Variants in UGT2B4 observed in about 807,000 individuals in gnomAD.
The protein encoded by UGT2B4 is UDP glucuronosyltransferase family 2 member B4.
UGT2B4 carries 49 observed loss-of-function variants against 49.8 expected under a neutral mutation model. The ratio of observed to expected loss-of-function variants is 0.98; its 90% CI spans 0.78 to 1.25. The LOEUF is 1.25. UGT2B4 is among the 50% of genes most tolerant of loss of function. The pLI is 0.00. For missense variants in UGT2B4, 729 were observed against 627.7 expected, an observed-to-expected ratio of 1.16 and a Z score of -1.73; for synonymous variants, 246 against 217.7, an observed-to-expected ratio of 1.13 and a Z score of -1.14.
rs41299982 is a variant in UGT2B4, at chr4:69,495,119, A to G, written c.721+22T>C. 206 of 1,506,620 alleles carry G rather than the reference A, an allele frequency of 1.4e-4. No homozygotes were observed. In the African/African-American group the frequency reaches 2.5e-3, roughly 18 times the overall value. The allele number at this position is 1,506,620 out of a possible 1,614,324, so 93.3% of individuals were successfully genotyped here. On this transcript the variant is annotated intron_variant, in intron 1 of 5. Coordinates refer to ENST00000305107, the MANE Select transcript of UGT2B4 (RefSeq NM_021139.3). ...TACAAGAAAGTTAGATCTTCATGTTACCAATCAAAAAAGTTACTTACCTAG... is the reference window on the plus strand; with the variant it reads ...TACAAGAAAGTTAGATCTTCATGTTGCCAATCAAAAAAGTTACTTACCTAG...
At position 69,480,593 on chromosome 4, in the gene UGT2B4, G is replaced by A. The variant is rs1727553190; in HGVS notation, c.*41C>T. On this transcript the variant is annotated 3_prime_UTR_variant, in exon 6 of 6. Transcript: ENST00000305107. The stretch of plus-strand genomic sequence containing the variant: ...CTTCTTGTTGTAATAAACTAAAGGA[G>A]TTCATTTATTGGGTTTCCCAGCTTC... The A allele has an allele frequency of 1.3e-6, 2 of 1,595,182 alleles. No individual in the cohort carries two copies. The highest frequency in any genetic ancestry group is 1.1e-5 in the South Asian group (1 of 87,874).
chr4:69,489,289 C>A (rs1577884470), intron 3 of UGT2B4, 150 bp downstream of exon 3: 1 of 1,037,844 alleles, frequency 9.6e-7, no homozygotes, highest in South Asian at 1.6e-5. Context: ...ATCTTCCATA[C>A]ATATTTTTGA....
chr4:69,492,733 T>C (rs1037308171), intron 2 of UGT2B4, among the ~76,000 whole-genome samples: 2 of 151,962 alleles, frequency 1.3e-5, no homozygotes, highest in Admixed American at 1.3e-4. Context: ...TTTTAAGTGG[T>C]TTATTTGTAT....
At chr4:69,518,695 T>A (rs968621337) in intron 1 of UGT2B4, among the ~76,000 whole-genome samples, 5 of 152,182 alleles carry the variant, frequency 3.3e-5, no homozygotes, top group Non-Finnish European at 7.3e-5. Context: ...TTTTACACAC[T>A]GAAACATACA....
chr4:69,480,607 T>C lies in UGT2B4; in HGVS notation c.*27A>G. 6.2e-7 allele frequency: 1 copy of C among 1,605,240 alleles called. No homozygotes were observed. The highest frequency in any genetic ancestry group is 8.5e-7 in the Non-Finnish European group (1 of 1,174,742). ...AAACTAAAGGAGTTCATTTATTGGGTTTCCCAGCTTCCAGCCTCAGACGTA... is the reference window on the plus strand; with the variant it reads ...AAACTAAAGGAGTTCATTTATTGGGCTTCCCAGCTTCCAGCCTCAGACGTA... On this transcript the variant is annotated 3_prime_UTR_variant, in exon 6 of 6. Coordinates refer to ENST00000305107, the MANE Select transcript of UGT2B4 (RefSeq NM_021139.3).
intron 1 of UGT2B4, among the ~76,000 whole-genome samples, chr4:69,523,950 C>A (rs1302840837): frequency 2.0e-5 from 3 of 152,060 alleles, no homozygotes; most frequent in African/African-American, 7.2e-5. Context: ...GTTTCATGAG[C>A]CAATGTCTGC....
At chr4:69,481,545 A>G (rs541296588) in intron 5 of UGT2B4, among the ~76,000 whole-genome samples, 1 of 152,298 alleles carries the variant, frequency 6.6e-6, no homozygotes, top group East Asian at 1.9e-4. Flanking sequence ...TTGTGGTTAC[A>G]TAGTAGGGGT....
intron 1 of UGT2B4, among the ~76,000 whole-genome samples, chr4:69,511,235 C>T: frequency 6.6e-6 from 1 of 152,098 alleles, no homozygotes; most frequent in Non-Finnish European, 1.5e-5. Flanking sequence ...GGTGATCCAC[C>T]CGTCTAGGCT....
intron 1 of UGT2B4, among the ~76,000 whole-genome samples, chr4:69,494,593 A>G (rs1234889820): frequency 6.6e-6 from 1 of 152,186 alleles, no homozygotes; most frequent in African/African-American, 2.4e-5. Flanking sequence ...AGGAATAGAA[A>G]CACTGGAAAC....
chr4:69,509,361 T>C (rs1001208229), intron 1 of UGT2B4, among the ~76,000 whole-genome samples: 1 of 152,014 alleles, frequency 6.6e-6, no homozygotes, highest in African/African-American at 2.4e-5. Context: ...TTAGTACAGA[T>C]GGGGTTCACC....
At chr4:69,490,721 T>A (rs1173144191) in intron 2 of UGT2B4, among the ~76,000 whole-genome samples, 2 of 152,206 alleles carry the variant, frequency 1.3e-5, no homozygotes, top group Admixed American at 1.3e-4. Context: ...ATATGATTTT[T>A]AATCTTAAGA....
At chr4:69,517,262 G>A (rs948477938) in intron 1 of UGT2B4, among the ~76,000 whole-genome samples, 10 of 151,676 alleles carry the variant, frequency 6.6e-5, no homozygotes, top group African/African-American at 9.7e-5. Context: ...AGCATCCTGG[G>A]AAATATTTCA....
Position 69,489,427 on chromosome 4 carries a change from A to T in UGT2B4, c.1002+12T>A. 6.2e-7 allele frequency: 1 copy of T among 1,608,860 alleles called. No individual in the cohort carries two copies. The highest frequency in any genetic ancestry group is 8.5e-7 in the Non-Finnish European group (1 of 1,176,730). ...CAGTAGTTTTTTACACCATTAAAAC[A>T]TTTTATCTTACCTTTTGTGGGATCT... On this transcript the variant is annotated intron_variant, in intron 3 of 5. Coordinates refer to ENST00000305107, the MANE Select transcript of UGT2B4 (RefSeq NM_021139.3).
chr4:69,485,067 A>C, intron 5 of UGT2B4, 141 bp downstream of exon 5: 1 of 1,070,126 alleles, frequency 9.3e-7, no homozygotes, highest in Non-Finnish European at 1.3e-6. Context: ...ACCACTCAAA[A>C]ATAAAAGCAG....
intron 1 of UGT2B4, among the ~76,000 whole-genome samples, chr4:69,505,939 G>T (rs1821189): frequency 6.6e-6 from 1 of 151,272 alleles, no homozygotes; most frequent in Middle Eastern, 3.4e-3. Context: ...TACATTGAAC[G>T]ACTTTTGGGC....
intron 4 of UGT2B4, 161 bp downstream of exon 4, chr4:69,486,447 AT>A: frequency 3.3e-6 from 1 of 306,484 alleles, no homozygotes; most frequent in South Asian, 5.5e-5. Flanking sequence ...AATGCCAACA[AT>A]TTATTCTTTT....
chr4:69,499,059 T>C (rs1231972376), upstream of UGT2B4, among the ~76,000 whole-genome samples: 2 of 152,170 alleles, frequency 1.3e-5, no homozygotes, highest in East Asian at 1.9e-4. Context: ...TCTGTTATAT[T>C]GTCTTTTTGT....
At chr4:69,502,102 T>TTTCTTTCC (rs1728339290) in intron 1 of UGT2B4, among the ~76,000 whole-genome samples, 1 of 106,090 alleles carries the variant, frequency 9.4e-6, no homozygotes, top group Non-Finnish European at 1.9e-5. Context: ...TCTTTCTTTC[T>TTTCTTTCC]TTCTTTCTTT....
At chr4:69,497,367 A>G (rs1233842957), upstream of UGT2B4, among the ~76,000 whole-genome samples, 1 of 152,156 alleles carries the variant, frequency 6.6e-6, no homozygotes, top group East Asian at 1.9e-4. Context: ...TCCAGCCCAG[A>G]TTTCCTTGAG....
Sources: allele counts gnomAD v4.1 joint callset (sites outside exome capture counted in the v4.1 genomes callset), GRCh38; gene constraint gnomAD v4.1.1; transcripts MANE v1.5; gene names NCBI Gene and HGNC (gene_info 2026-07-23, HGNC 2026-07-21).